CNTN5: variants seen among roughly 807,000 people sequenced by gnomAD.
CNTN5 encodes the protein contactin-5.
Under a neutral mutation model 129.1 loss-of-function variants are expected in CNTN5, and 77 were observed. The ratio of observed to expected loss-of-function variants is 0.60; its 90% confidence interval spans 0.50 to 0.72. The LOEUF (loss-of-function observed/expected upper bound fraction) is 0.72. CNTN5 is among the 30% of genes least tolerant of loss of function. The pLI, the probability that CNTN5 is intolerant of heterozygous loss-of-function variation, is 0.00. For synonymous variants in CNTN5, 509 were observed against 465.6 expected, an observed-to-expected ratio of 1.09 and a Z score of -1.20; for missense variants, 1,478 against 1,328.8, an observed-to-expected ratio of 1.11 and a Z score of -1.75.
At chr11:99,599,891 A>G (rs1950260253) in intron 3 of CNTN5, among the ~76,000 whole-genome samples, 1 of 152,182 alleles carries the variant, frequency 6.6e-6, no homozygotes, top group South Asian at 2.1e-4. Flanking sequence ...AATATTTAAT[A>G]TATTATACAT....
intron 1 of CNTN5, among the ~76,000 whole-genome samples, chr11:99,175,434 C>A (rs943492113): frequency 6.6e-6 from 1 of 151,946 alleles, no homozygotes; most frequent in Non-Finnish European, 1.5e-5. Context: ...CCAGACTGTT[C>A]TAGCAACCTT....
In CNTN5 at chr11:99,852,513, A is replaced by G. The variant is rs781686571; in HGVS notation, c.577+7251A>G. ...TTTTAAAGCAAATTATGAAGAGTGA[A>G]TAAAAGTTGAAATCTGTTTTAGACT... is the stretch of plus-strand genomic sequence containing the variant. On this transcript the variant is annotated intron_variant, in intron 6 of 24. Coordinates refer to ENST00000524871, the MANE Select transcript of CNTN5 (RefSeq NM_014361.4). 3.9e-5 allele frequency among the ~76,000 whole-genome samples: 6 copies of G among 152,296 alleles called. No homozygotes were observed. The East Asian group carries it at 1.2e-3, about 29-fold the overall frequency.
chr11:100,046,906 A>ATT (rs11442291), intron 9 of CNTN5, among the ~76,000 whole-genome samples: 3 of 151,822 alleles, frequency 2.0e-5, no homozygotes, highest in South Asian at 2.1e-4. Flanking sequence ...TTTTCCAGGA[A>ATT]TTTTTTTTTA....
chr11:99,196,604 A>G (rs567432751), intron 1 of CNTN5, among the ~76,000 whole-genome samples: 2 of 152,070 alleles, frequency 1.3e-5, no homozygotes. Flanking sequence ...ATTGAAGTAT[A>G]ATTTTTTGAT....
At chr11:99,529,325 G>A (rs976445339) in intron 2 of CNTN5, among the ~76,000 whole-genome samples, 3 of 152,126 alleles carry the variant, frequency 2.0e-5, no homozygotes, top group Non-Finnish European at 4.4e-5. Context: ...CTCCAGTCAA[G>A]TTGACACCTA....
chr11:99,348,135 C>A (rs748262775), intron 2 of CNTN5, among the ~76,000 whole-genome samples: 1 of 152,118 alleles, frequency 6.6e-6, no homozygotes, highest in Non-Finnish European at 1.5e-5. Context: ...GTCAGGAGAT[C>A]GAGACCATCC....
chr11:99,758,285 A>C (rs2000564), intron 3 of CNTN5, among the ~76,000 whole-genome samples: 4,515 of 152,126 alleles, frequency 0.03, 185 homozygotes, highest in Admixed American at 0.092. Flanking sequence ...ATCAACAGCT[A>C]TTTATAACCT....
Position 99,845,113 on chromosome 11 carries a change from A to T in CNTN5, c.428A>T (p.Asp143Val). 1 of 1,613,724 alleles carries T rather than the reference A, an allele frequency of 6.2e-7. No individual in the cohort carries two copies. The highest frequency in any genetic ancestry group is 1.1e-5 in the South Asian group (1 of 91,054). Residue 143 changes from aspartate to valine, a missense_variant, in exon 6 of 25, where the codon GAT (aspartate) becomes GTT (valine). Asp to Val is a radical substitution (Grantham distance 152). Coordinates refer to ENST00000524871, the MANE Select transcript of CNTN5 (RefSeq NM_014361.4). ...TGGCTTCGAAATGGAACAGAAATAG[A>T]TCTGGAAAGTGATTATCGCTACAGT... The part of the protein sequence containing the change: ...YRWLRNGTEI[D>V]LESDYRYSLI...
rs138598567 is a variant in CNTN5, at chr11:99,967,846, G to A, written c.877+10837G>A. ...TGTACCTTCATTTTTCCACTCATTTGAGTTCCCAGCACAGTTGTTAATTAC... is the reference window on the plus strand; with the variant it reads ...TGTACCTTCATTTTTCCACTCATTTAAGTTCCCAGCACAGTTGTTAATTAC... On this transcript the variant is annotated intron_variant, in intron 8 of 24. Transcript: ENST00000524871. Among the ~76,000 whole-genome samples, 1,449 of 152,020 alleles carry A rather than the reference G, an allele frequency of 9.5e-3. 12 individuals carry two copies. Among genetic ancestry groups the A allele is most frequent in the Non-Finnish European group, 0.017 (1,135 of 67,946 alleles).
intron 1 of CNTN5, among the ~76,000 whole-genome samples, chr11:99,302,438 A>G (rs1864684231): frequency 2.6e-5 from 4 of 151,902 alleles, no homozygotes; most frequent in Admixed American, 2.6e-4. Context: ...ACTATTTACA[A>G]TTGTATACTA....
chr11:99,809,825 C>G (rs1946377317), intron 3 of CNTN5, among the ~76,000 whole-genome samples: 1 of 152,038 alleles, frequency 6.6e-6, no homozygotes, highest in Non-Finnish European at 1.5e-5. Flanking sequence ...ACTGTCTGAT[C>G]TATCTTAAAC....
intron 10 of CNTN5, among the ~76,000 whole-genome samples, chr11:100,061,877 GA>G (rs1196108896): frequency 2.0e-5 from 3 of 152,156 alleles, no homozygotes; most frequent in African/African-American, 7.2e-5. Context: ...GAGACCAGCT[GA>G]CTTGCAAAGA....
At chr11:99,319,536 A>G (rs985437142) in intron 1 of CNTN5, among the ~76,000 whole-genome samples, 9 of 152,174 alleles carry the variant, frequency 5.9e-5, no homozygotes, top group African/African-American at 1.7e-4. Context: ...CCACTGGACC[A>G]TAATGTTTAT....
chr11:99,933,549 TC>T (rs1287885998), intron 7 of CNTN5, among the ~76,000 whole-genome samples: 1 of 152,176 alleles, frequency 6.6e-6, no homozygotes. Flanking sequence ...GTGATTTCTG[TC>T]CCTATATTTT....
intron 20 of CNTN5, among the ~76,000 whole-genome samples, chr11:100,305,740 ATAAATAGTACATAC>A (rs1381888710): frequency 2.0e-5 from 3 of 151,588 alleles, no homozygotes; most frequent in Admixed American, 6.6e-5. Context: ...TCACTTGGGT[ATAAATAGTACATAC>A]TAAAATTTCT....
chr11:99,968,461 A>T (rs1565734863), intron 8 of CNTN5, among the ~76,000 whole-genome samples: 1 of 152,042 alleles, frequency 6.6e-6, no homozygotes, highest in Non-Finnish European at 1.5e-5. Context: ...CAACATGGAA[A>T]TTCTGACCAT....
intron 3 of CNTN5, among the ~76,000 whole-genome samples, chr11:99,808,192 T>G (rs182495724): frequency 1.2e-3 from 185 of 152,324 alleles, no homozygotes; most frequent in African/African-American, 3.8e-3. Context: ...TTTCTGACAT[T>G]AAGGTTTTGT....
chr11:100,173,028 T>A (rs1321995890), intron 13 of CNTN5, among the ~76,000 whole-genome samples: 1 of 151,996 alleles, frequency 6.6e-6, no homozygotes, highest in African/African-American at 2.4e-5. Context: ...GGAGGTCAGA[T>A]AAAGCAGTAA....
At chr11:99,398,385 A>G (rs1051930130) in intron 2 of CNTN5, among the ~76,000 whole-genome samples, 4 of 151,916 alleles carry the variant, frequency 2.6e-5, no homozygotes, top group East Asian at 3.9e-4. Flanking sequence ...TTTGATTTGC[A>G]TACATTAAGA....
Sources: allele counts gnomAD v4.1 joint callset (sites outside exome capture counted in the v4.1 genomes callset), GRCh38; gene constraint gnomAD v4.1.1; transcripts MANE v1.5; gene names NCBI Gene and HGNC (gene_info 2026-07-23, HGNC 2026-07-21).